The following PCDH15 variants were observed in gnomAD, a reference collection of about 807,000 sequenced individuals.
PCDH15 encodes protocadherin related 15, also known as protocadherin-15.
In PCDH15, 129 loss-of-function variants were observed where a neutral mutation model predicts 178.5. The ratio of observed to expected loss-of-function variants is 0.72; its 90% CI spans 0.63 to 0.84. PCDH15 has a LOEUF of 0.84. Among genes scored for constraint, PCDH15 ranks in the 40% least tolerant of loss-of-function variants. PCDH15 has a pLI of 0.00. For synonymous variants in PCDH15, 800 were observed against 732.0 expected, an observed-to-expected ratio of 1.09 and a Z score of -1.50; for missense variants, 2,230 against 2,099.9, an observed-to-expected ratio of 1.06 and a Z score of -1.21.
chr10:54,328,456 A>C (rs60699849), intron 7 of PCDH15, among the ~76,000 whole-genome samples: 1,863 of 152,080 alleles, frequency 0.012, 35 homozygotes, highest in African/African-American at 0.038. Flanking sequence ...TCAGGTCATC[A>C]GTGTGCCCAG....
At chr10:55,534,049 AC>A (rs1293147840) in intron 2 of PCDH15, among the ~76,000 whole-genome samples, 3 of 152,064 alleles carry the variant, frequency 2.0e-5, no homozygotes, top group Non-Finnish European at 4.4e-5. Flanking sequence ...ATAAAACTGA[AC>A]CCTTACTTTT....
intron 2 of PCDH15, among the ~76,000 whole-genome samples, chr10:55,104,914 C>G (rs1842642028): frequency 6.6e-6 from 1 of 152,186 alleles, no homozygotes; most frequent in South Asian, 2.1e-4. Flanking sequence ...GAGAGATGAA[C>G]TGCTCATGCA....
intron 13 of PCDH15, among the ~76,000 whole-genome samples, chr10:54,153,651 T>G (rs2044793713): frequency 6.6e-6 from 1 of 152,184 alleles, no homozygotes; most frequent in African/African-American, 2.4e-5. Flanking sequence ...TGCCTTGCAT[T>G]CTTGACACAT....
intron 2 of PCDH15, among the ~76,000 whole-genome samples, chr10:54,638,178 A>G (rs2134872334): frequency 6.6e-6 from 1 of 152,088 alleles, no homozygotes; most frequent in Admixed American, 6.6e-5. Flanking sequence ...GAAAAAAAAG[A>G]TCTTTATTTT....
rs776490045 is a variant in PCDH15 at position 53,938,801 on chromosome 10, G to A, written c.3373+14C>T. 1.2e-6 allele frequency: 2 copies of A among 1,611,334 alleles called. No individual in the cohort carries two copies. Among genetic ancestry groups the A allele is most frequent in the African/African-American group, 1.3e-5 (1 of 74,806 alleles). ...CATACAATTCTGGTAAAAGCTTTAA[G>A]TAGTATAACTTACTTTTTGAAGGAA... On this transcript the variant is annotated intron_variant, in intron 25 of 37. Coordinates refer to ENST00000644397, the MANE Select transcript of PCDH15 (RefSeq NM_001384140.1).
At chr10:55,446,966 T>A in intron 2 of PCDH15, among the ~76,000 whole-genome samples, 1 of 151,918 alleles carries the variant, frequency 6.6e-6, no homozygotes, top group East Asian at 1.9e-4. Flanking sequence ...TCACAGCGAC[T>A]GCTAACAGAA....
At chr10:55,175,663 CAAAAAA>C (rs71014459) in intron 1 of PCDH15, among the ~76,000 whole-genome samples, 1 of 106,674 alleles carries the variant, frequency 9.4e-6, no homozygotes, top group Non-Finnish European at 1.9e-5. Context: ...GACTCTGTCT[CAAAAAA>C]AAAAAAAAAG....
chr10:55,201,218 A>C (rs1840238903), intron 1 of PCDH15, among the ~76,000 whole-genome samples: 1 of 152,100 alleles, frequency 6.6e-6, no homozygotes, highest in South Asian at 2.1e-4. Context: ...TTTGTCACAC[A>C]AGGTAAAGAA....
intron 27 of PCDH15, among the ~76,000 whole-genome samples, chr10:53,863,178 T>C (rs2079211185): frequency 6.6e-6 from 1 of 152,194 alleles, no homozygotes; most frequent in Non-Finnish European, 1.5e-5. Context: ...TGAGCGCTTT[T>C]ACTATGTAGA....
At chr10:55,093,250 G>T (rs912773629) in intron 2 of PCDH15, among the ~76,000 whole-genome samples, 1 of 151,962 alleles carries the variant, frequency 6.6e-6, no homozygotes, top group Non-Finnish European at 1.5e-5. Flanking sequence ...TGTAATTTAT[G>T]TGATGAACCT....
intron 29 of PCDH15, among the ~76,000 whole-genome samples, chr10:53,838,130 C>T (rs933428242): frequency 3.9e-4 from 60 of 151,938 alleles, no homozygotes; most frequent in African/African-American, 1.2e-3. Context: ...TGCCCGCCAC[C>T]ATGCCCGGCT....
intron 3 of PCDH15, among the ~76,000 whole-genome samples, chr10:54,882,896 T>G (rs902040393): frequency 6.6e-6 from 1 of 151,934 alleles, no homozygotes; most frequent in Non-Finnish European, 1.5e-5. Context: ...AAACAGTCGG[T>G]TTTTATGTTT....
At chr10:54,389,316 C>A (rs1950263710) in intron 3 of PCDH15, among the ~76,000 whole-genome samples, 1 of 152,152 alleles carries the variant, frequency 6.6e-6, no homozygotes, top group African/African-American at 2.4e-5. Context: ...AAATTCATTG[C>A]ACATTTCCAT....
chr10:54,307,094 G>A (rs59000852), intron 8 of PCDH15, among the ~76,000 whole-genome samples: 147 of 8,090 alleles, frequency 0.018, 4 homozygotes, highest in East Asian at 0.038. Flanking sequence ...ATATATATAT[G>A]TGTGTGTGTG....
intron 2 of PCDH15, among the ~76,000 whole-genome samples, chr10:54,528,884 G>C: frequency 6.6e-6 from 1 of 151,882 alleles, no homozygotes; most frequent in East Asian, 1.9e-4. Context: ...GTTGAAATGT[G>C]AAAACTTTGC....
chr10:53,806,650 T>G lies in PCDH15; in HGVS notation c.5152A>C (p.Thr1718Pro). ...KEALEFHSDH[T>P]QSDDEELWMG... is the part of the protein sequence containing the mutation. ...CAAAGCTCTTCATCATCAGACTGTG[T>G]GTGGTCACTATGAAATTCCAAAGCC... The change falls in exon 38 of 38, where the codon ACA (threonine) becomes CCA (proline). Residue 1718 changes from threonine to proline, a missense_variant. Transcript: ENST00000644397. 1 of 1,613,828 alleles carries G rather than the reference T, an allele frequency of 6.2e-7. No homozygotes were observed.
At chr10:54,500,247 A>G (rs1021513209) in intron 3 of PCDH15, among the ~76,000 whole-genome samples, 80 of 152,098 alleles carry the variant, frequency 5.3e-4, no homozygotes, top group Admixed American at 7.2e-4. Flanking sequence ...CTAAACATTG[A>G]GTTCACAAGG....
At chr10:55,367,486 T>C (rs546504691) in intron 2 of PCDH15, among the ~76,000 whole-genome samples, 1 of 151,746 alleles carries the variant, frequency 6.6e-6, no homozygotes, top group Admixed American at 6.6e-5. Flanking sequence ...GAGGCTGAGG[T>C]GGGAAGGTAA....
chr10:55,290,604 A>C (rs1463880004), intron 1 of PCDH15, among the ~76,000 whole-genome samples: 1 of 152,076 alleles, frequency 6.6e-6, no homozygotes, highest in East Asian at 1.9e-4. Flanking sequence ...ATAATACCTA[A>C]TACCACTGTA....
Sources: gnomAD v4.1 joint callset for allele counts (sites outside exome capture counted in the v4.1 genomes callset) on GRCh38, gnomAD v4.1.1 for gene constraint, MANE v1.5 for transcripts, NCBI Gene and HGNC (gene_info 2026-07-23, HGNC 2026-07-21) for gene names.